Variants in DMWD observed in about 807,000 individuals in gnomAD.
The protein encoded by DMWD is dystrophia myotonica WD repeat-containing protein.
Under a neutral mutation model 45.8 loss-of-function variants are expected in DMWD, and 19 were observed. The ratio of observed to expected loss-of-function variants is 0.41; its 90% CI spans 0.29 to 0.61. DMWD has a LOEUF of 0.61. DMWD is among the 20% of genes least tolerant of loss of function. The probability of loss-of-function intolerance (pLI) is 0.25; values close to 1 mark genes in which losing one functional copy is unlikely to be tolerated. For synonymous variants in DMWD, 515 were observed against 440.5 expected (o/e 1.17, Z -2.12); for missense variants, 802 against 965.2 (o/e 0.83, Z 2.24).
chr19:45,785,419 C>G, intron 3 of DMWD, 175 bp downstream of exon 3: 3 of 1,318,500 alleles, frequency 2.3e-6, no homozygotes, highest in Non-Finnish European at 2.9e-6. Flanking sequence ...GGCTAGACCC[C>G]CTCACTCTAA....
Position 45,783,938 on chromosome 19 carries a change from G to A in DMWD, c.*305C>T, listed in dbSNP as rs1330300055. ...CTGGGGCTCTTGTGGCAGGGGCGGG[G>A]AGTCTCTCCCCAGGAGTGACCAGTC... On this transcript the variant is annotated 3_prime_UTR_variant, in exon 5 of 5. Transcript: ENST00000270223. The A allele has an allele frequency of 1.1e-5, 6 of 549,916 alleles. No individual in the cohort carries two copies. The East Asian group carries it at 1.7e-4, about 16-fold the overall frequency. 34.1% of individuals were successfully genotyped at this position (549,916 alleles called of 1,614,324 possible).
Position 45,783,959 on chromosome 19 carries a change from C to A in DMWD, c.*284G>T. 1.7e-6 allele frequency: 1 copy of A among 591,314 alleles called. No homozygotes were observed. Among genetic ancestry groups the A allele is most frequent in the Non-Finnish European group, 3.0e-6 (1 of 338,140 alleles). The allele number at this position is 591,314 out of a possible 1,614,324, so 36.6% of individuals were successfully genotyped here. On this transcript the variant is annotated 3_prime_UTR_variant, in exon 5 of 5. Coordinates refer to ENST00000270223, the MANE Select transcript of DMWD (RefSeq NM_004943.2). ...CGGGGAGTCTCTCCCCAGGAGTGAC[C>A]AGTCACATGCTGGGGACAGGGATGA...
intron 1 of DMWD, among the ~76,000 whole-genome samples, chr19:45,791,502 T>A (rs1970356531): frequency 6.6e-6 from 1 of 152,032 alleles, no homozygotes; most frequent in African/African-American, 2.4e-5. Flanking sequence ...TCACCCAAAT[T>A]TCCAGGACTC....
In DMWD at chr19:45,791,882, C is replaced by G. The variant is rs1022901319; in HGVS notation, c.441+434G>C. ...AGGCCCCCATCACTTCTAGACTTCTCCTCATTCCTGGGCTCAATCTCAAGA... is the reference window on the plus strand; with the variant it reads ...AGGCCCCCATCACTTCTAGACTTCTGCTCATTCCTGGGCTCAATCTCAAGA... On this transcript the variant is annotated intron_variant, in intron 1 of 4. Transcript: ENST00000270223. Among the ~76,000 whole-genome samples, 5 of 152,150 alleles carry G rather than the reference C, an allele frequency of 3.3e-5. No homozygotes were observed. The East Asian group carries it at 9.6e-4, about 29-fold the overall frequency.
intron 2 of DMWD, 56 bp downstream of exon 2, chr19:45,790,849 A>T: frequency 6.4e-7 from 1 of 1,553,216 alleles, no homozygotes; most frequent in Non-Finnish European, 8.7e-7. Flanking sequence ...TCCTAATGGC[A>T]TATAGTGGGT....
chr19:45,786,924 ACTT>A, intron 2 of DMWD, 53 bp from the exon 3 acceptor site: 2 of 1,562,788 alleles, frequency 1.3e-6, no homozygotes, highest in Non-Finnish European at 1.7e-6. Context: ...CCCAGGCAGA[ACTT>A]CTCCCCGACC....
intron 2 of DMWD, 32 bp from the exon 3 acceptor site, chr19:45,786,903 A>C: frequency 6.3e-7 from 1 of 1,597,276 alleles, no homozygotes; most frequent in African/African-American, 1.3e-5. Flanking sequence ...GGTTGGGAGA[A>C]GGCAGTAAAA....
chr19:45,786,110 G>C lies in DMWD; in HGVS notation c.1386C>G (p.Leu462=). The C allele has an allele frequency of 6.5e-7, 1 of 1,530,980 alleles. No homozygotes were observed. Among genetic ancestry groups the C allele is most frequent in the African/African-American group, 1.4e-5 (1 of 73,150 alleles). The allele number at this position is 1,530,980 out of a possible 1,614,324, so 94.8% of individuals were successfully genotyped here. The part of the protein sequence containing the change: ...PHPPLARTRT[L]PGTPGTTPPA... ...GTGGCGTGGTGCCAGGTGTGCCAGG[G>C]AGGGTGCGGGTGCGGGCCAGGGGGG... Residue 462 remains leucine (L), a synonymous_variant, in exon 3 of 5, where the codon CTC becomes CTG. Transcript: ENST00000270223.
At position 45,784,127 on chromosome 19, in the gene DMWD, G is replaced by C. The variant is rs781419789; in HGVS notation, c.*116C>G. 2 of 939,958 alleles carry C rather than the reference G, an allele frequency of 2.1e-6. No individual in the cohort carries two copies. Among genetic ancestry groups the C allele is most frequent in the African/African-American group, 1.6e-5 (1 of 61,192 alleles). The allele number at this position is 939,958 out of a possible 1,614,324, so 58.2% of individuals were successfully genotyped here. On this transcript the variant is annotated 3_prime_UTR_variant, in exon 5 of 5. Coordinates refer to ENST00000270223, the MANE Select transcript of DMWD (RefSeq NM_004943.2). ...AAATTTTGTGCAGGTGGGGGGACTG[G>C]AGCAGTCCATCCATCATGGTTAGTC...
chr19:45,784,148 T>G lies in DMWD; in HGVS notation c.*95A>C, dbSNP rs1235421886. 2.6e-6 allele frequency: 3 copies of G among 1,153,558 alleles called. No homozygotes were observed. The South Asian group carries it at 3.8e-5, about 15-fold the overall frequency. 71.5% of individuals were successfully genotyped at this position (1,153,558 alleles called of 1,614,324 possible). A position where few individuals can be genotyped will look rare whatever the true frequency, so the allele number is the denominator to read the frequency against. On this transcript the variant is annotated 3_prime_UTR_variant, in exon 5 of 5. Transcript: ENST00000270223. ...ACTGGAGCAGTCCATCCATCATGGT[T>G]AGTCTTGTTAATACGTTGATCTGTG...
chr19:45,783,727 C>T lies in DMWD; in HGVS notation c.*516G>A. On this transcript the variant is annotated 3_prime_UTR_variant, in exon 5 of 5. Coordinates refer to ENST00000270223, the MANE Select transcript of DMWD (RefSeq NM_004943.2). ...TCATCTCCTCCGAAGGGGACAGACC[C>T]GCTGAGAAAACAGGGAACTTTAGTA... is the stretch of plus-strand genomic sequence containing the variant. 3 of 444,892 alleles carry T rather than the reference C, an allele frequency of 6.7e-6. No individual in the cohort carries two copies. The highest frequency in any genetic ancestry group is 1.2e-5 in the Non-Finnish European group (3 of 255,840). The allele number at this position is 444,892 out of a possible 1,614,324, so 27.6% of individuals were successfully genotyped here. A position where few individuals can be genotyped will look rare whatever the true frequency, so the allele number is the denominator to read the frequency against.
In DMWD at chr19:45,786,796, C is replaced by A. The variant is rs538888700; in HGVS notation, c.700G>T (p.Ala234Ser). 1 of 1,614,100 alleles carries A rather than the reference C, an allele frequency of 6.2e-7. No homozygotes were observed. Among genetic ancestry groups the A allele is most frequent in the South Asian group, 1.1e-5 (1 of 91,086 alleles). ...TTGTACAGGTACAGGTGGCCACTGG[C>A]GTGTGATGCCAGGAACAGGCTCTCC... ...ESESLFLASH[A>S]SGHLYLYNVS... is the part of the protein sequence containing the mutation. The change falls in exon 3 of 5, where the codon GCC becomes TCC. Residue 234 changes from alanine to serine, a missense_variant. Around this residue, in one of 9 missense-constraint regions of DMWD, gnomAD observed 1 missense variants for 17.3 expected, o/e 0.06. Coordinates refer to ENST00000270223, the MANE Select transcript of DMWD (RefSeq NM_004943.2).
chr19:45,785,296 G>GT, intron 3 of DMWD: 2 of 1,180,900 alleles, frequency 1.7e-6, no homozygotes, highest in South Asian at 4.1e-5. Flanking sequence ...GTGACAGGCA[G>GT]TAAGACCTGG....
At chr19:45,791,619 C>G (rs987160170) in intron 1 of DMWD, among the ~76,000 whole-genome samples, 2 of 152,140 alleles carry the variant, frequency 1.3e-5, no homozygotes, top group Admixed American at 6.6e-5. Flanking sequence ...CCATTTATTA[C>G]CTAGGGGCTC....
chr19:45,784,124 C>G lies in DMWD; in HGVS notation c.*119G>C. ...CCCAAATTTTGTGCAGGTGGGGGGA[C>G]TGGAGCAGTCCATCCATCATGGTTA... On this transcript the variant is annotated 3_prime_UTR_variant, in exon 5 of 5. Transcript: ENST00000270223. 1.1e-6 allele frequency: 1 copy of G among 920,874 alleles called. No homozygotes were observed. 57.0% of individuals were successfully genotyped at this position (920,874 alleles called of 1,614,324 possible).
chr19:45,790,861 G>A (rs2146275311), intron 2 of DMWD, 44 bp downstream of exon 2: 1 of 1,569,988 alleles, frequency 6.4e-7, no homozygotes, highest in East Asian at 2.2e-5. Flanking sequence ...ATAGTGGGTA[G>A]GTGAGAAGGC....
intron 2 of DMWD, chr19:45,789,435 C>T (rs754943688): frequency 2.6e-5 from 4 of 152,250 alleles, no homozygotes; most frequent in Non-Finnish European, 5.9e-5. Flanking sequence ...TCCTCGTAGG[C>T]CAAGTTGGCC....
rs1422109692 is a variant in DMWD at position 45,784,079 on chromosome 19, C to G, written c.*164G>C. The G allele has an allele frequency of 4.4e-6, 3 of 680,234 alleles. No individual in the cohort carries two copies. In the African/African-American group the frequency reaches 5.4e-5, roughly 12 times the overall value. The allele number at this position is 680,234 out of a possible 1,614,324, so 42.1% of individuals were successfully genotyped here. On this transcript the variant is annotated 3_prime_UTR_variant, in exon 5 of 5. Coordinates refer to ENST00000270223, the MANE Select transcript of DMWD (RefSeq NM_004943.2). ...ACAAGGGCTATTACATCGCCCGTGT[C>G]CGGGCCAGTCTGGGGGGCCCCCAAA...
In DMWD at chr19:45,792,513, G is replaced by T; in HGVS notation, c.244C>A (p.Pro82Thr). Residue 82 changes from proline to threonine, a missense_variant, in exon 1 of 5, where the codon CCC becomes ACC. Coordinates refer to ENST00000270223, the MANE Select transcript of DMWD (RefSeq NM_004943.2). ...GAAGPASSPP[P>T]AGPGPGPALP... is the part of the protein sequence containing the mutation. The stretch of plus-strand genomic sequence containing the variant: ...GCGGGCCCGGGTCCGGGGCCTGCGG[G>T]CGGCGGGGACGACGCGGGGCCTGCA... The T allele has an allele frequency of 8.7e-7, 1 of 1,144,160 alleles. No individual in the cohort carries two copies. The highest frequency in any genetic ancestry group is 1.1e-6 in the Non-Finnish European group (1 of 929,714). 70.9% of individuals were successfully genotyped at this position (1,144,160 alleles called of 1,614,324 possible).
Sources: gnomAD v4.1 joint callset for allele counts (sites outside exome capture counted in the v4.1 genomes callset) on GRCh38, gnomAD v4.1.1 for gene constraint, gnomAD v4.1.1 regional missense constraint, MANE v1.5 for transcripts, NCBI Gene and HGNC (gene_info 2026-07-23, HGNC 2026-07-21) for gene names.